The following SLC39A11 variants were observed in gnomAD, a reference collection of about 807,000 sequenced individuals.
SLC39A11 encodes zinc transporter ZIP11.
In SLC39A11, 33 loss-of-function variants were observed where a neutral mutation model predicts 36.1. That is an observed-to-expected ratio of 0.91 (90% CI 0.69 to 1.22). The LOEUF (loss-of-function observed/expected upper bound fraction) is 1.22. SLC39A11 is among the 50% of genes most tolerant of loss of function. The probability of loss-of-function intolerance (pLI) is 0.00; values close to 1 mark genes in which losing one functional copy is unlikely to be tolerated. For synonymous variants in SLC39A11, 166 were observed against 170.3 expected (o/e 0.97, Z 0.20); for missense variants, 432 against 430.3 (o/e 1.00, Z -0.03).
At chr17:73,048,194 C>A (rs2059383974) in intron 3 of SLC39A11, among the ~76,000 whole-genome samples, 1 of 151,624 alleles carries the variant, frequency 6.6e-6, no homozygotes, top group African/African-American at 2.4e-5. Flanking sequence ...CTCCTTCTCT[C>A]CCCTCCTTAG....
intron 7 of SLC39A11, among the ~76,000 whole-genome samples, chr17:72,680,357 A>G (rs1453206461): frequency 6.6e-6 from 1 of 152,098 alleles, no homozygotes; most frequent in Non-Finnish European, 1.5e-5. Flanking sequence ...CTCCACCCAA[A>G]TCTCATCTTG....
intron 3 of SLC39A11, among the ~76,000 whole-genome samples, chr17:73,054,111 T>TCC (rs2059591844): frequency 6.6e-6 from 1 of 152,106 alleles, no homozygotes. Flanking sequence ...ATGCCTGTAA[T>TCC]CCCAGCACTT....
At chr17:72,901,248 T>C (rs576063110) in intron 5 of SLC39A11, among the ~76,000 whole-genome samples, 2 of 152,346 alleles carry the variant, frequency 1.3e-5, no homozygotes, top group East Asian at 3.9e-4. Flanking sequence ...TGGACGTCTC[T>C]ACTCCAGGAA....
intron 7 of SLC39A11, among the ~76,000 whole-genome samples, chr17:72,709,235 G>A (rs1002008152): frequency 6.6e-6 from 1 of 152,180 alleles, no homozygotes; most frequent in African/African-American, 2.4e-5. Flanking sequence ...ACCGCGCCCG[G>A]CCAAGCCTTT....
chr17:72,989,844 G>A (rs780870977), intron 4 of SLC39A11, among the ~76,000 whole-genome samples: 3 of 152,146 alleles, frequency 2.0e-5, no homozygotes, highest in Non-Finnish European at 2.9e-5. Context: ...CAGAAATTAC[G>A]AAACTTATTT....
At chr17:72,947,675 C>G in intron 5 of SLC39A11, 77 bp downstream of exon 5, 2 of 1,603,886 alleles carry the variant, frequency 1.2e-6, no homozygotes, top group Non-Finnish European at 1.7e-6. Flanking sequence ...ATCCTACCAC[C>G]AGCCCCCACG....
At chr17:72,891,563 C>T (rs1451391596) in intron 5 of SLC39A11, among the ~76,000 whole-genome samples, 1 of 152,106 alleles carries the variant, frequency 6.6e-6, no homozygotes, top group African/African-American at 2.4e-5. Context: ...CCCCTCAGTT[C>T]ATGATTCAGG....
Position 72,669,548 on chromosome 17 carries a change from C to T in SLC39A11, c.672-20280G>A, listed in dbSNP as rs8081205. ...AGAATATCCAGAAGTGATATGTCCACATCAGTCAGAGGGCACAGGAAAACT... is the reference window on the plus strand; with the variant it reads ...AGAATATCCAGAAGTGATATGTCCATATCAGTCAGAGGGCACAGGAAAACT... On this transcript the variant is annotated intron_variant, in intron 7 of 9. Coordinates refer to ENST00000255559, the MANE Select transcript of SLC39A11 (RefSeq NM_139177.4). 4.0e-3 allele frequency among the ~76,000 whole-genome samples: 609 copies of T among 152,296 alleles called. 2 individuals carry two copies. Among genetic ancestry groups the T allele is most frequent in the African/African-American group, 0.014 (586 of 41,560 alleles).
At chr17:72,937,611 G>A (rs1303610277) in intron 5 of SLC39A11, among the ~76,000 whole-genome samples, 1 of 152,226 alleles carries the variant, frequency 6.6e-6, no homozygotes, top group Non-Finnish European at 1.5e-5. Context: ...CCACTTATAT[G>A]ATTGCTAGTG....
intron 6 of SLC39A11, among the ~76,000 whole-genome samples, chr17:72,799,708 T>C (rs967057116): frequency 2.6e-5 from 4 of 151,914 alleles, no homozygotes; most frequent in Admixed American, 6.6e-5. Flanking sequence ...AAATTTGTGG[T>C]CAGACCGGTT....
At chr17:72,795,538 C>G (rs1264650629) in intron 6 of SLC39A11, among the ~76,000 whole-genome samples, 1 of 152,128 alleles carries the variant, frequency 6.6e-6, no homozygotes, top group Non-Finnish European at 1.5e-5. Context: ...CACACCATCA[C>G]TTTTGCTTTT....
intron 5 of SLC39A11, 92 bp downstream of exon 5, chr17:72,947,660 T>C (rs764582852): frequency 6.3e-7 from 1 of 1,579,034 alleles, no homozygotes. Context: ...TTTCTCTCAC[T>C]ATTCATCCTA....
chr17:73,070,909 G>A (rs2060143180), intron 3 of SLC39A11, among the ~76,000 whole-genome samples: 1 of 152,058 alleles, frequency 6.6e-6, no homozygotes, highest in African/African-American at 2.4e-5. Flanking sequence ...TTTGTAAATT[G>A]CCCAGTCTCC....
chr17:72,971,094 C>A (rs982453169), intron 4 of SLC39A11, among the ~76,000 whole-genome samples: 5 of 152,170 alleles, frequency 3.3e-5, no homozygotes, highest in African/African-American at 9.7e-5. Context: ...TTCTCCAATT[C>A]CCTGCTTTCT....
chr17:72,847,368 C>T (rs2079097303), intron 6 of SLC39A11, among the ~76,000 whole-genome samples: 2 of 150,448 alleles, frequency 1.3e-5, no homozygotes, highest in South Asian at 4.2e-4. Flanking sequence ...CACCACTGCA[C>T]TCCAGCCTGG....
intron 5 of SLC39A11, among the ~76,000 whole-genome samples, chr17:72,913,035 TC>T (rs1179618157): frequency 6.6e-6 from 1 of 152,080 alleles, no homozygotes; most frequent in East Asian, 1.9e-4. Flanking sequence ...AATAAAACAA[TC>T]CTGATGTTTC....
chr17:72,657,385 G>GATAA (rs942778193), intron 7 of SLC39A11, among the ~76,000 whole-genome samples: 4 of 152,086 alleles, frequency 2.6e-5, no homozygotes, highest in African/African-American at 9.6e-5. Context: ...ACAAACAAAA[G>GATAA]ATAAATAAAT....
At chr17:72,721,185 C>T (rs1038520640) in intron 7 of SLC39A11, among the ~76,000 whole-genome samples, 12 of 151,722 alleles carry the variant, frequency 7.9e-5, no homozygotes, top group Admixed American at 7.2e-4. Context: ...CAACCTCTGC[C>T]TGCTGGGTTC....
At chr17:72,666,358 C>T (rs1253358036) in intron 7 of SLC39A11, among the ~76,000 whole-genome samples, 4 of 152,210 alleles carry the variant, frequency 2.6e-5, no homozygotes, top group Non-Finnish European at 4.4e-5. Flanking sequence ...AACTCCAAAA[C>T]GGCTGCTCAG....
Sources: allele counts gnomAD v4.1 joint callset (sites outside exome capture counted in the v4.1 genomes callset), GRCh38; gene constraint gnomAD v4.1.1; transcripts MANE v1.5; gene names NCBI Gene and HGNC (gene_info 2026-07-23, HGNC 2026-07-21).